The following ATP2C2 variants were observed in gnomAD, a reference collection of about 807,000 sequenced individuals.
The protein encoded by ATP2C2 is ATPase secretory pathway Ca2+ transporting 2, also known as calcium-transporting ATPase type 2C member 2.
Under a neutral mutation model 110.8 loss-of-function variants are expected in ATP2C2, and 171 were observed. The observed-to-expected ratio is 1.54, with a 90% CI of 1.36 to 1.75. The LOEUF is 1.75. Among genes scored for constraint, ATP2C2 ranks in the 40% most tolerant of loss-of-function variants. The pLI is 0.00. For missense variants in ATP2C2, 1,963 were observed against 1,235.0 expected, an observed-to-expected ratio of 1.59 and a Z score of -8.84; for synonymous variants, 804 against 508.4, an observed-to-expected ratio of 1.58 and a Z score of -7.82.
At chr16:84,380,577 G>T (rs1243532879) in intron 1 of ATP2C2, among the ~76,000 whole-genome samples, 1 of 152,184 alleles carries the variant, frequency 6.6e-6, no homozygotes, top group African/African-American at 2.4e-5. Flanking sequence ...TTGCTTGGGT[G>T]TTCTTGGCCC....
chr16:84,368,686 C>A lies in ATP2C2; in HGVS notation c.71C>A (p.Ala24Glu), dbSNP rs1274133156. ...TCGGGCGGGGGCCGCCAGTACCAGG[C>A]GCTGGAGAAGGACGAAGAGGAAGCC... Reference protein sequence around the residue: ...GFSGGGRQYQALEKDEEEALI... With the variant: ...GFSGGGRQYQELEKDEEEALI... The change falls in exon 1 of 27, where the codon GCG becomes GAG. Residue 24 changes from alanine (A) to glutamate (E), a missense_variant. By Grantham distance (107) the Ala-to-Glu change is moderately radical (BLOSUM62 -1). Coordinates refer to ENST00000262429, the MANE Select transcript of ATP2C2 (RefSeq NM_014861.4). 4 of 1,552,770 alleles carry A rather than the reference C, an allele frequency of 2.6e-6. No individual in the cohort carries two copies. Among genetic ancestry groups the A allele is most frequent in the African/African-American group, 1.4e-5 (1 of 69,868 alleles).
At chr16:84,442,627 G>T in intron 15 of ATP2C2, 28 bp downstream of exon 15, 2 of 1,606,050 alleles carry the variant, frequency 1.2e-6, no homozygotes, top group Non-Finnish European at 1.7e-6. Context: ...GGCTCTGCGG[G>T]GAATTCTTTC....
intron 1 of ATP2C2, among the ~76,000 whole-genome samples, chr16:84,380,596 C>T (rs1023523458): frequency 2.0e-5 from 3 of 152,092 alleles, no homozygotes; most frequent in South Asian, 2.1e-4. Flanking sequence ...CCCTTTTCTG[C>T]GCAAGTCTAG....
chr16:84,369,815 T>G lies in ATP2C2; in HGVS notation c.99+1101T>G, dbSNP rs115017164. Among the ~76,000 whole-genome samples, 521 of 152,382 alleles carry G rather than the reference T, an allele frequency of 3.4e-3. 7 individuals carry two copies. The highest frequency in any genetic ancestry group is 0.012 in the African/African-American group (500 of 41,584). ...ATAGTGTTTTATACATCCCTGTTGA[T>G]GTAAGAATTCTGGTCTTAGGGTGGT... On this transcript the variant is annotated intron_variant, in intron 1 of 26. Coordinates refer to ENST00000262429, the MANE Select transcript of ATP2C2 (RefSeq NM_014861.4).
rs1375513917 is a variant in ATP2C2, at chr16:84,463,689, G to C, written c.2798G>C (p.Cys933Ser). ...SELLKLCEKY[C>S]CSPKRVQMHP... ...CTCCTCAAACTATGTGAAAAATACT[G>C]TTGCAGCCCCAAGAGAGTCCAGATG... The change falls in exon 27 of 27, where the codon TGT becomes TCT. Residue 933 changes from cysteine to serine, a missense_variant. Physicochemically the swap from Cys to Ser is moderately radical, Grantham distance 112. Coordinates refer to ENST00000262429, the MANE Select transcript of ATP2C2 (RefSeq NM_014861.4). The C allele has an allele frequency of 1.3e-5, 21 of 1,614,080 alleles. No individual in the cohort carries two copies. The highest frequency in any genetic ancestry group is 2.7e-5 in the African/African-American group (2 of 74,938).
intron 17 of ATP2C2, among the ~76,000 whole-genome samples, chr16:84,451,199 C>G (rs866075428): frequency 6.6e-6 from 1 of 152,118 alleles, no homozygotes; most frequent in East Asian, 1.9e-4. Flanking sequence ...GGGGAAACCC[C>G]TCATAAAACC....
Position 84,463,809 on chromosome 16 carries a change from AG to A in ATP2C2, c.*81del. On this transcript the variant is annotated 3_prime_UTR_variant, in exon 27 of 27. Transcript: ENST00000262429. The stretch of plus-strand genomic sequence containing the variant: ...GTGGCCCCTGCCGTGTCTCCTCGTC[AG>A]GGGAGACTTTTAGGAGGCCGCAGCC... The A allele has an allele frequency of 1.5e-6, 2 of 1,305,130 alleles. No homozygotes were observed. The highest frequency in any genetic ancestry group is 2.2e-6 in the Non-Finnish European group (2 of 906,900). The allele number at this position is 1,305,130 out of a possible 1,614,324, so 80.8% of individuals were successfully genotyped here. A position where few individuals can be genotyped will look rare whatever the true frequency, so the allele number is the denominator to read the frequency against.
intron 2 of ATP2C2, among the ~76,000 whole-genome samples, chr16:84,400,739 C>G (rs1340567972): frequency 2.0e-5 from 3 of 152,144 alleles, no homozygotes; most frequent in Non-Finnish European, 2.9e-5. Context: ...TTTGTTATTG[C>G]CTGACTTTTG....
chr16:84,437,404 TA>T (rs1301075831), intron 11 of ATP2C2, among the ~76,000 whole-genome samples: 1 of 151,888 alleles, frequency 6.6e-6, no homozygotes, highest in Non-Finnish European at 1.5e-5. Context: ...TTTGTAGAAA[TA>T]AAAAAATGTT....
intron 1 of ATP2C2, among the ~76,000 whole-genome samples, chr16:84,376,325 G>C (rs1424340570): frequency 6.6e-6 from 1 of 152,178 alleles, no homozygotes; most frequent in East Asian, 1.9e-4. Flanking sequence ...GCCAATAGCA[G>C]GAAGACACTT....
At chr16:84,421,836 G>A (rs139746199) in intron 7 of ATP2C2, among the ~76,000 whole-genome samples, 1 of 152,300 alleles carries the variant, frequency 6.6e-6, no homozygotes, top group Non-Finnish European at 1.5e-5. Flanking sequence ...GGTGAGTTCT[G>A]AGGGCTAAGC....
At chr16:84,398,194 G>T (rs551977245) in intron 1 of ATP2C2, among the ~76,000 whole-genome samples, 2 of 150,010 alleles carry the variant, frequency 1.3e-5, no homozygotes, top group Non-Finnish European at 2.9e-5. Flanking sequence ...CTGAGGTCAG[G>T]AGTTTGAGAC....
chr16:84,423,236 C>T lies in ATP2C2; in HGVS notation c.892C>T (p.Leu298=), dbSNP rs1171932571. 16 of 1,614,046 alleles carry T rather than the reference C, an allele frequency of 9.9e-6. No individual in the cohort carries two copies. Among genetic ancestry groups the T allele is most frequent in the East Asian group, 2.2e-5 (1 of 44,892 alleles). ...AAGCATGGACAGGCTAGGAAAGCAA[C>T]TGACACTCTTCTCCTTTGGCATAAT... is the stretch of plus-strand genomic sequence containing the variant. ...QKSMDRLGKQ[L]TLFSFGIIGL... is the part of the protein sequence containing the mutation. The change falls in exon 10 of 27, where the codon CTG becomes TTG. Residue 298 remains leucine (L), a synonymous_variant. Coordinates refer to ENST00000262429, the MANE Select transcript of ATP2C2 (RefSeq NM_014861.4).
At chr16:84,380,595 G>C (rs1597731530) in intron 1 of ATP2C2, among the ~76,000 whole-genome samples, 1 of 152,122 alleles carries the variant, frequency 6.6e-6, no homozygotes, top group African/African-American at 2.4e-5. Flanking sequence ...CCCCTTTTCT[G>C]CGCAAGTCTA....
chr16:84,373,486 C>G (rs948394650), intron 1 of ATP2C2, among the ~76,000 whole-genome samples: 1 of 145,652 alleles, frequency 6.9e-6, no homozygotes, highest in Non-Finnish European at 1.5e-5. Flanking sequence ...GGTGACAGAG[C>G]GAGACTCCAT....
chr16:84,408,857 A>T (rs1906020241), intron 4 of ATP2C2, among the ~76,000 whole-genome samples: 1 of 150,180 alleles, frequency 6.7e-6, no homozygotes, highest in South Asian at 2.1e-4. Flanking sequence ...CTGAGCACTC[A>T]TTTTTTTTTT....
chr16:84,374,912 A>G (rs1376531536), intron 1 of ATP2C2, among the ~76,000 whole-genome samples: 1 of 152,210 alleles, frequency 6.6e-6, no homozygotes, highest in Non-Finnish European at 1.5e-5. Context: ...GAATTAGCAG[A>G]AAGCTTATTC....
rs1911407923 is a variant in ATP2C2, at chr16:84,461,986, A to G, written c.2581-2A>G. On this transcript the variant is annotated splice_acceptor_variant, in intron 25 of 26. Coordinates refer to ENST00000262429, the MANE Select transcript of ATP2C2 (RefSeq NM_014861.4). LOFTEE classifies it high-confidence loss of function. ...ATCCCCCGTGTGACCTTCTCCCTGCAGACCAAGCTGATATTTGAGATCGGC... is the reference window on the plus strand; with the variant it reads ...ATCCCCCGTGTGACCTTCTCCCTGCGGACCAAGCTGATATTTGAGATCGGC... The G allele has an allele frequency of 1.2e-6, 2 of 1,613,126 alleles. No individual in the cohort carries two copies.
intron 3 of ATP2C2, chr16:84,407,317 G>A (rs2150522338): frequency 6.5e-6 from 1 of 152,824 alleles, no homozygotes; most frequent in African/African-American, 2.4e-5. Context: ...CTGGTGCTCT[G>A]AGGAGGTGGC....
Sources: allele counts gnomAD v4.1 joint callset (sites outside exome capture counted in the v4.1 genomes callset), GRCh38; gene constraint gnomAD v4.1.1; transcripts MANE v1.5; gene names NCBI Gene and HGNC (gene_info 2026-07-23, HGNC 2026-07-21).